Variants in GUSB observed in about 807,000 individuals in gnomAD.
The protein encoded by GUSB is glucuronidase beta, also known as beta-glucuronidase.
Under a neutral mutation model 74.6 loss-of-function variants are expected in GUSB, and 51 were observed. The observed-to-expected ratio is 0.68, with a 90% CI of 0.55 to 0.86. The LOEUF (loss-of-function observed/expected upper bound fraction) is 0.86. Ranked by LOEUF, GUSB falls within the 40% of genes least tolerant of loss-of-function variation. The pLI is 0.00. For synonymous variants in GUSB, 360 were observed against 348.3 expected, an observed-to-expected ratio of 1.03 and a Z score of -0.37; for missense variants, 736 against 853.7, an observed-to-expected ratio of 0.86 and a Z score of 1.72.
chr7:65,963,683 C>T (rs1426153713), intron 11 of GUSB, among the ~76,000 whole-genome samples: 3 of 152,158 alleles, frequency 2.0e-5, no homozygotes, highest in African/African-American at 7.2e-5. Context: ...GCAGCTGAGA[C>T]TACAGGCACA....
chr7:65,980,708 C>T, intron 1 of GUSB: 4 of 451,112 alleles, frequency 8.9e-6, no homozygotes, highest in South Asian at 6.3e-5. Flanking sequence ...GACTAAGAGG[C>T]AGATGGCCAC....
chr7:65,975,094 T>C (rs1477904855), intron 5 of GUSB, 23 bp from the exon 6 acceptor site: 6 of 1,611,556 alleles, frequency 3.7e-6, no homozygotes, highest in Non-Finnish European at 5.1e-6. Context: ...AAGCACCAGG[T>C]GTGAGCACCC....
intron 4 of GUSB, among the ~76,000 whole-genome samples, chr7:65,978,738 C>T (rs1369404751): frequency 1.3e-5 from 2 of 151,610 alleles, no homozygotes; most frequent in Non-Finnish European, 2.9e-5. Context: ...CGCCATCGCA[C>T]TCCAGCCTGG....
Position 65,974,426 on chromosome 7 carries a change from G to A in GUSB, c.1260C>T (p.Asn420=), listed in dbSNP as rs1276720284. Residue 420 remains asparagine (N), a synonymous_variant, in exon 8 of 12, where the codon AAC becomes AAT. Transcript: ENST00000304895. ...VGLALPQFFN[N]VSLHHHMQVM... is the part of the protein sequence containing the mutation. Reference sequence around the variant, plus strand: ...CCTGCATGTGGTGATGCAGAGAAACGTTGTTGAAGAACTGCCTGCGGGCCA... The same window carrying A: ...CCTGCATGTGGTGATGCAGAGAAACATTGTTGAAGAACTGCCTGCGGGCCA... The A allele has an allele frequency of 1.8e-5, 29 of 1,614,190 alleles. No individual in the cohort carries two copies. The Middle Eastern group carries it at 4.9e-4, about 28-fold the overall frequency.
In GUSB at chr7:65,975,101, AC is replaced by A. The variant is rs1293821222; in HGVS notation, c.913-31del. 3.1e-6 allele frequency: 5 copies of A among 1,609,368 alleles called. No individual in the cohort carries two copies. In the Admixed American group the frequency reaches 8.3e-5, roughly 27 times the overall value. The stretch of plus-strand genomic sequence containing the variant: ...GACAGCCAAAGCACCAGGTGTGAGC[AC>A]CCCGACAGCCTGAGCCCCATCCGGC... On this transcript the variant is annotated intron_variant, in intron 5 of 11. Coordinates refer to ENST00000304895, the MANE Select transcript of GUSB (RefSeq NM_000181.4).
At chr7:65,967,955 A>C in intron 9 of GUSB, 48 bp from the exon 10 acceptor site, 1 of 1,506,506 alleles carries the variant, frequency 6.6e-7, no homozygotes, top group African/African-American at 1.4e-5. Context: ...AGACAGCATG[A>C]CTCAGCATTC....
intron 7 of GUSB, 23 bp from the exon 8 acceptor site, chr7:65,974,464 C>CAG (rs774282579): frequency 6.2e-7 from 1 of 1,614,146 alleles, no homozygotes; most frequent in Non-Finnish European, 8.5e-7. Flanking sequence ...AGGGAAGGGA[C>CAG]AGAGGGTCAC....
At chr7:65,961,791 C>T (rs1425101338) in intron 11 of GUSB, among the ~76,000 whole-genome samples, 1 of 152,172 alleles carries the variant, frequency 6.6e-6, no homozygotes, top group Non-Finnish European at 1.5e-5. Context: ...ATCACAAGGT[C>T]AGGAGATTAA....
intron 9 of GUSB, 74 bp downstream of exon 9, chr7:65,970,208 T>A (rs1791100698): frequency 1.2e-6 from 1 of 869,168 alleles, no homozygotes; most frequent in African/African-American, 1.6e-5. Context: ...TCTTCCTGGC[T>A]GTTCCCATGA....
At chr7:65,981,097 T>C (rs1022431062) in intron 1 of GUSB, among the ~76,000 whole-genome samples, 1 of 151,884 alleles carries the variant, frequency 6.6e-6, no homozygotes, top group South Asian at 2.1e-4. Context: ...GTGGCCAGAG[T>C]GTGTGGGTGG....
At chr7:65,961,118 G>A in intron 11 of GUSB, 55 bp from the exon 12 acceptor site, 5 of 1,516,342 alleles carry the variant, frequency 3.3e-6, no homozygotes, top group Non-Finnish European at 4.6e-6. Flanking sequence ...GATGGGTCAA[G>A]TTAGAACCAG....
chr7:65,978,106 G>A (rs1245875581), intron 4 of GUSB, among the ~76,000 whole-genome samples: 2 of 151,712 alleles, frequency 1.3e-5, no homozygotes, highest in East Asian at 1.9e-4. Flanking sequence ...CACCGCGCCC[G>A]CCCTGAAAAA....
chr7:65,980,187 C>CT, intron 2 of GUSB, 37 bp downstream of exon 2: 1 of 432,960 alleles, frequency 2.3e-6, no homozygotes, highest in South Asian at 1.6e-5. Context: ...GCAGCCGTGC[C>CT]CCCCCACCCG....
At chr7:65,972,375 GC>G (rs1451442765) in intron 8 of GUSB, among the ~76,000 whole-genome samples, 1 of 152,050 alleles carries the variant, frequency 6.6e-6, no homozygotes, top group Non-Finnish European at 1.5e-5. Flanking sequence ...TGTTGGCCAC[GC>G]CGGTCTCAAA....
chr7:65,977,955 C>T (rs775161404), intron 4 of GUSB, among the ~76,000 whole-genome samples: 26 of 151,872 alleles, frequency 1.7e-4, no homozygotes, highest in Non-Finnish European at 3.7e-4. Context: ...GGACTACAGG[C>T]CCCTGCCACC....
chr7:65,969,278 A>T (rs1791042769), intron 9 of GUSB, among the ~76,000 whole-genome samples: 1 of 152,134 alleles, frequency 6.6e-6, no homozygotes, highest in Non-Finnish European at 1.5e-5. Flanking sequence ...GCTACTCAGG[A>T]GGCCGAGGCA....
intron 8 of GUSB, among the ~76,000 whole-genome samples, chr7:65,972,453 C>T (rs530393699): frequency 3.3e-5 from 5 of 152,296 alleles, no homozygotes; most frequent in African/African-American, 4.8e-5. Context: ...CGTGAGCCAC[C>T]GCACCCAGCC....
chr7:65,981,322 C>T (rs1375014239), intron 1 of GUSB, among the ~76,000 whole-genome samples: 1 of 151,400 alleles, frequency 6.6e-6, no homozygotes, highest in East Asian at 1.9e-4. Flanking sequence ...AACCTCTACT[C>T]CCGGGTTCAA....
chr7:65,964,209 C>T, intron 11 of GUSB, 114 bp downstream of exon 11: 2 of 996,278 alleles, frequency 2.0e-6, no homozygotes, highest in Non-Finnish European at 3.2e-6. Flanking sequence ...TGGATTAAAC[C>T]AGCTTCCCCA....
Sources: gnomAD v4.1 joint callset for allele counts (sites outside exome capture counted in the v4.1 genomes callset) on GRCh38, gnomAD v4.1.1 for gene constraint, MANE v1.5 for transcripts, NCBI Gene and HGNC (gene_info 2026-07-23, HGNC 2026-07-21) for gene names.